ZNF254: variants seen among roughly 807,000 people sequenced by gnomAD.
ZNF254 encodes zinc finger protein 254.
A neutral mutation model predicts 12.4 loss-of-function variants in ZNF254; 10 were observed. The ratio of observed to expected loss-of-function variants is 0.80; its 90% CI spans 0.50 to 1.36. ZNF254 has a LOEUF of 1.36. ZNF254 is among the 40% of genes most tolerant of loss of function. The pLI is 0.00. For missense variants in ZNF254, 996 were observed against 763.9 expected (o/e 1.30, Z -3.58); for synonymous variants, 305 against 253.4 (o/e 1.20, Z -1.93).
At chr19:24,068,271 A>G (rs1971352249) in intron 2 of ZNF254, among the ~76,000 whole-genome samples, 1 of 150,718 alleles carries the variant, frequency 6.6e-6, no homozygotes. Context: ...CCCAGCACAC[A>G]GGTGATGTGA....
At chr19:24,055,692 A>C (rs951162139) in intron 2 of ZNF254, among the ~76,000 whole-genome samples, 1 of 152,160 alleles carries the variant, frequency 6.6e-6, no homozygotes, top group African/African-American at 2.4e-5. Context: ...TCAAAGGTGG[A>C]AAAATTGACT....
chr19:24,081,398 A>G (rs1971839732), intron 2 of ZNF254, among the ~76,000 whole-genome samples: 1 of 152,168 alleles, frequency 6.6e-6, no homozygotes, highest in African/African-American at 2.4e-5. Flanking sequence ...AAAAGACACC[A>G]GTGGATGACA....
chr19:24,072,921 G>C (rs985532947), intron 2 of ZNF254, among the ~76,000 whole-genome samples: 4 of 152,170 alleles, frequency 2.6e-5, no homozygotes, highest in Non-Finnish European at 5.9e-5. Flanking sequence ...CTCACAGTTT[G>C]GGTTGTGACA....
At chr19:24,118,469 T>G (rs1974261266) in intron 3 of ZNF254, among the ~76,000 whole-genome samples, 2 of 152,148 alleles carry the variant, frequency 1.3e-5, no homozygotes, top group Admixed American at 1.3e-4. Flanking sequence ...CTCTATAAAT[T>G]AGAAATTTTT....
At chr19:24,045,624 C>T (rs575735567) in intron 1 of ZNF254, among the ~76,000 whole-genome samples, 141 of 148,022 alleles carry the variant, frequency 9.5e-4, no homozygotes, top group African/African-American at 3.4e-3. Context: ...GCTGAGATCG[C>T]GCCACTGCAC....
chr19:24,058,779 C>A (rs1188589261), intron 2 of ZNF254, among the ~76,000 whole-genome samples: 1 of 152,082 alleles, frequency 6.6e-6, no homozygotes, highest in East Asian at 1.9e-4. Context: ...TGCCATCACC[C>A]CTAGATTATG....
At chr19:24,080,897 G>A (rs538513188) in intron 2 of ZNF254, among the ~76,000 whole-genome samples, 1 of 151,906 alleles carries the variant, frequency 6.6e-6, no homozygotes, top group East Asian at 1.9e-4. Flanking sequence ...GAGCAACAAG[G>A]AGAAACCCCA....
rs1973843849 is a variant in ZNF254, at chr19:24,113,590, CA to C, written c.253+6952del. ...CACAGCCAATATCATACTGAATGGG[CA>C]AAAACTGGAAGCATTCCCTTTGAAA... On this transcript the variant is annotated intron_variant, in intron 3 of 3. Transcript: ENST00000357002. 3.9e-5 allele frequency among the ~76,000 whole-genome samples: 6 copies of C among 152,176 alleles called. No homozygotes were observed. In the South Asian group the frequency reaches 1.2e-3, roughly 32 times the overall value.
intron 2 of ZNF254, chr19:24,046,372 TTTATATATATATATA>T (rs149546140): frequency 1.1e-5 from 1 of 93,428 alleles, no homozygotes. Flanking sequence ...TTTATTATTT[TTTATATATATATATA>T]TATATATATA....
At chr19:24,044,753 T>A (rs1375803307) in intron 1 of ZNF254, among the ~76,000 whole-genome samples, 1 of 152,158 alleles carries the variant, frequency 6.6e-6, no homozygotes. Flanking sequence ...ACCAGTTGTC[T>A]TAACTTTCTT....
rs1011254739 is a variant in ZNF254 at position 24,099,085 on chromosome 19, C to T, written c.31-6855C>T. ...GATCTCAGCTCACTGCAACCTCTGC[C>T]TCCTGGGTTGAAGCAATTCTTCTGC... On this transcript the variant is annotated intron_variant, in intron 1 of 3. Coordinates refer to ENST00000357002, the MANE Select transcript of ZNF254 (RefSeq NM_203282.4). 9 of 147,876 alleles carry T rather than the reference C, an allele frequency of 6.1e-5. 1 individual carries two copies. The highest frequency in any genetic ancestry group is 1.5e-4 in the African/African-American group (6 of 39,700). The allele number at this position is 147,876 out of a possible 1,614,324, so 9.2% of individuals were successfully genotyped here.
At chr19:24,041,170 C>G (rs62113665) in intron 1 of ZNF254, among the ~76,000 whole-genome samples, 24,777 of 152,290 alleles carry the variant, frequency 0.16, 2,194 homozygotes, top group Middle Eastern at 0.22. Context: ...TCAGAGCCCT[C>G]GCTTGCTCTC....
chr19:24,097,658 G>A (rs921195332), intron 1 of ZNF254, among the ~76,000 whole-genome samples: 1 of 152,018 alleles, frequency 6.6e-6, no homozygotes, highest in African/African-American at 2.4e-5. Context: ...GTGCATGCCT[G>A]TAATCCCAGG....
At chr19:24,115,961 G>A (rs1019365306) in intron 3 of ZNF254, among the ~76,000 whole-genome samples, 1 of 152,104 alleles carries the variant, frequency 6.6e-6, no homozygotes, top group Admixed American at 6.6e-5. Context: ...ATGAAGCTTA[G>A]TTTGGCTGGA....
intron 3 of ZNF254, among the ~76,000 whole-genome samples, chr19:24,107,650 A>G (rs766260514): frequency 5.3e-5 from 8 of 152,186 alleles, no homozygotes; most frequent in Non-Finnish European, 1.0e-4. Context: ...ATTGGTCTTC[A>G]ATTTCAATGA....
chr19:24,121,702 C>T lies in ZNF254; in HGVS notation c.254-4552C>T, dbSNP rs530005744. Among the ~76,000 whole-genome samples the T allele has an allele frequency of 2.9e-3, 439 of 152,004 alleles. 3 individuals carry two copies. Among genetic ancestry groups the T allele is most frequent in the African/African-American group, 9.7e-3 (404 of 41,480 alleles). ...CCTCCCAATTAGCTGGGATTACAGG[C>T]GCCCACTACCAAGCCTGGATAATTA... On this transcript the variant is annotated intron_variant, in intron 3 of 3. Transcript: ENST00000357002.
At chr19:24,103,139 GTAAACTT>G (rs886936780) in intron 1 of ZNF254, among the ~76,000 whole-genome samples, 12 of 152,162 alleles carry the variant, frequency 7.9e-5, no homozygotes, top group African/African-American at 2.9e-4. Flanking sequence ...TGTTTTCTCT[GTAAACTT>G]TAAAGAGCCA....
chr19:24,065,956 C>G (rs1339985608), intron 2 of ZNF254: 1 of 152,164 alleles, frequency 6.6e-6, no homozygotes, highest in African/African-American at 2.4e-5. Context: ...TGCCTGATCT[C>G]TGCTCACAGA....
rs775578347 is a variant in ZNF254, at chr19:24,126,942, A to T, written c.942A>T (p.Lys314Asn). 7 of 1,613,446 alleles carry T rather than the reference A, an allele frequency of 4.3e-6. No individual in the cohort carries two copies. The South Asian group carries it at 7.7e-5, about 18-fold the overall frequency. ...IWSSTLTEHKKIHTRKKPYKC... is the reference protein window; with the variant it reads ...IWSSTLTEHKNIHTRKKPYKC... ...CCTCAACCCTTACTGAGCATAAGAA[A>T]ATTCATACTAGAAAGAAACCCTACA... Residue 314 changes from lysine to asparagine, a missense_variant, in exon 4 of 4, where the codon AAA becomes AAT. By Grantham distance (94) the Lys-to-Asn change is moderately conservative. Coordinates refer to ENST00000357002, the MANE Select transcript of ZNF254 (RefSeq NM_203282.4).
Sources: allele counts gnomAD v4.1 joint callset (sites outside exome capture counted in the v4.1 genomes callset), GRCh38; gene constraint gnomAD v4.1.1; transcripts MANE v1.5; gene names NCBI Gene and HGNC (gene_info 2026-07-23, HGNC 2026-07-21).